TNS1: variants seen among roughly 807,000 people sequenced by gnomAD.
The protein encoded by TNS1 is tensin-1.
Under a neutral mutation model 168.6 loss-of-function variants are expected in TNS1, and 62 were observed. That is an observed-to-expected ratio of 0.37 (90% confidence interval 0.30 to 0.45). The LOEUF (loss-of-function observed/expected upper bound fraction) is 0.45. Among genes scored for constraint, TNS1 ranks in the 20% least tolerant of loss-of-function variants. The pLI is 1.00. For synonymous variants in TNS1, 934 were observed against 933.2 expected, an observed-to-expected ratio of 1.00 and a Z score of -0.02; for missense variants, 2,240 against 2,339.4, an observed-to-expected ratio of 0.96 and a Z score of 0.88.
intron 19 of TNS1, among the ~76,000 whole-genome samples, chr2:217,839,949 TTGAGGCAGGCC>T: frequency 6.6e-6 from 1 of 152,278 alleles, no homozygotes; most frequent in South Asian, 2.1e-4. Flanking sequence ...CCAGCTCCCC[TTGAGGCAGGCC>T]CACCATCCCA....
At position 217,808,126 on chromosome 2, in the gene TNS1, C is replaced by T. The variant is rs774833681; in HGVS notation, c.5343-19G>A. The T allele has an allele frequency of 1.8e-5, 29 of 1,612,402 alleles. No individual in the cohort carries two copies. Among genetic ancestry groups the T allele is most frequent in the South Asian group, 1.2e-4 (11 of 90,834 alleles). The stretch of plus-strand genomic sequence containing the variant: ...CATCCACCTGTGGAGAGAAAGTGGG[C>T]TCAGGGTAAATCATCGTACTTTCTC... On this transcript the variant is annotated intron_variant, in intron 31 of 32. Transcript: ENST00000682258.
At chr2:217,828,293 G>C (rs1172516439) in intron 22 of TNS1, among the ~76,000 whole-genome samples, 1 of 152,212 alleles carries the variant, frequency 6.6e-6, no homozygotes, top group Non-Finnish European at 1.5e-5. Context: ...GGTCAGGAGA[G>C]GGCAAAGTCT....
At chr2:217,821,597 G>A (rs888343364) in intron 23 of TNS1, 143 bp downstream of exon 23, 17 of 772,460 alleles carry the variant, frequency 2.2e-5, no homozygotes, top group Non-Finnish European at 3.1e-5. Context: ...GCACCTTGAT[G>A]AACTGGTTTG....
At chr2:218,014,881 A>T (rs1398814998), upstream of TNS1, among the ~76,000 whole-genome samples, 1 of 99,664 alleles carries the variant, frequency 1.0e-5, no homozygotes, top group African/African-American at 3.3e-5. Flanking sequence ...GGAAGGAAGG[A>T]AGGAAGGAAG....
chr2:217,884,991 C>A (rs753672957), intron 16 of TNS1, 44 bp downstream of exon 16: 40 of 1,611,040 alleles, frequency 2.5e-5, no homozygotes, highest in Non-Finnish European at 3.2e-5. Context: ...GCTCCTCTCC[C>A]TGCCACAGGG....
chr2:217,825,798 T>C (rs1943537580), intron 22 of TNS1, among the ~76,000 whole-genome samples: 1 of 152,102 alleles, frequency 6.6e-6, no homozygotes, highest in African/African-American at 2.4e-5. Context: ...TGGGACAGTG[T>C]ATTAGAAACC....
intron 28 of TNS1, among the ~76,000 whole-genome samples, chr2:217,812,090 C>T (rs142667869): frequency 2.6e-5 from 4 of 152,300 alleles, no homozygotes; most frequent in South Asian, 2.1e-4. Flanking sequence ...CCTGGGACGA[C>T]GTGGTCTGAG....
intron 3 of TNS1, among the ~76,000 whole-genome samples, chr2:217,970,520 GA>G (rs1559393824): frequency 6.6e-6 from 1 of 152,080 alleles, no homozygotes; most frequent in Non-Finnish European, 1.5e-5. Context: ...CTGATGAATG[GA>G]AAAACAACAT....
chr2:217,829,760 G>C, intron 22 of TNS1: 1 of 1,522,790 alleles, frequency 6.6e-7, no homozygotes. Context: ...AAAGAGAGCT[G>C]CCTCCAGCCA....
intron 3 of TNS1, among the ~76,000 whole-genome samples, chr2:217,969,216 C>A (rs180981942): frequency 9.8e-5 from 15 of 152,310 alleles, no homozygotes. Context: ...CAAGATCATT[C>A]AGTGGGGAAA....
At chr2:217,953,131 G>A (rs776023479) in intron 3 of TNS1, among the ~76,000 whole-genome samples, 2 of 152,222 alleles carry the variant, frequency 1.3e-5, no homozygotes, top group Non-Finnish European at 1.5e-5. Context: ...CATGAGGAGG[G>A]AAAGAGCAGC....
rs755584857 is a variant in TNS1, at chr2:217,849,014, G to A, written c.1503C>T (p.His501=). 1.7e-5 allele frequency: 27 copies of A among 1,613,936 alleles called. No individual in the cohort carries two copies. The highest frequency in any genetic ancestry group is 5.0e-5 in the Admixed American group (3 of 59,984). ...TGGCATTAACAGCCCCGGTGCTGCCGTGCAGGGAGTCTTTCTTCTTCACCT... is the reference window on the plus strand; with the variant it reads ...TGGCATTAACAGCCCCGGTGCTGCCATGCAGGGAGTCTTTCTTCTTCACCT... ...YAKVKKKDSL[H]GSTGAVNATR... Residue 501 remains histidine, a synonymous_variant, in exon 19 of 33, where the codon CAC becomes CAT. Transcript: ENST00000682258.
intron 20 of TNS1, 29 bp from the exon 21 acceptor site, chr2:217,835,195 G>C: frequency 6.3e-7 from 1 of 1,593,834 alleles, no homozygotes; most frequent in Non-Finnish European, 8.6e-7. Context: ...GAGAAAAAGA[G>C]GGAAACCATG....
At chr2:217,927,526 C>A (rs908709803) in intron 3 of TNS1, among the ~76,000 whole-genome samples, 1 of 152,042 alleles carries the variant, frequency 6.6e-6, no homozygotes, top group Non-Finnish European at 1.5e-5. Flanking sequence ...TCTGGGGGAG[C>A]TGAAGGGTGG....
At chr2:217,894,967 T>A (rs956220241) in intron 9 of TNS1, 39 bp downstream of exon 9, 1 of 1,599,470 alleles carries the variant, frequency 6.3e-7, no homozygotes, top group African/African-American at 1.3e-5. Flanking sequence ...CCATCTGTTC[T>A]CCTTCTCCTC....
Position 217,818,036 on chromosome 2 carries a change from G to T in TNS1, c.4296C>A (p.Thr1432=). The T allele has an allele frequency of 1.2e-6, 2 of 1,603,496 alleles. No individual in the cohort carries two copies. The highest frequency in any genetic ancestry group is 1.7e-5 in the Admixed American group (1 of 57,838). Residue 1432 remains threonine, a synonymous_variant, in exon 24 of 33, where the codon ACC becomes ACA. Coordinates refer to ENST00000682258, the MANE Select transcript of TNS1 (RefSeq NM_001387777.1). The part of the protein sequence containing the change: ...DRHVAYGGYS[T]PEDRRPTLSR... ...ACAGTGTGGGTCTCCGATCCTCCGG[G>T]GTAGAATAGCCACCATAGGCCACAT... is the stretch of plus-strand genomic sequence containing the variant.
rs564610719 is a variant in TNS1 at position 218,033,872 on chromosome 2, C to T, written c.104G>A (p.Cys35Tyr). Among the ~76,000 whole-genome samples, 1 of 152,350 alleles carries T rather than the reference C, an allele frequency of 6.6e-6. No homozygotes were observed. The highest frequency in any genetic ancestry group is 2.1e-4 in the South Asian group (1 of 4,830). Residue 35 changes from cysteine (C) to tyrosine (Y), a missense_variant, in exon 1 of 2, where the codon TGC becomes TAC. Transcript: ENST00000649572. The surrounding 1 kb of genome is among the most constrained non-coding windows in gnomAD (Gnocchi z 4.3). ...ACAGGCCAAACCCCCGGACTCCCAG[C>T]ACTCAGCCCGCGCCGAGACCCAGGG...
At chr2:217,884,229 G>A (rs1430523423) in intron 16 of TNS1, among the ~76,000 whole-genome samples, 4 of 152,008 alleles carry the variant, frequency 2.6e-5, no homozygotes, top group Non-Finnish European at 1.5e-5. Context: ...ACAGATTAAT[G>A]AAGGGATGGA....
intron 19 of TNS1, among the ~76,000 whole-genome samples, chr2:217,842,401 C>T (rs1423431605): frequency 1.3e-5 from 2 of 152,320 alleles, no homozygotes; most frequent in East Asian, 1.9e-4. Flanking sequence ...TAAAGAGCAA[C>T]TCCATTCTTT....
Sources: allele counts gnomAD v4.1 joint callset (sites outside exome capture counted in the v4.1 genomes callset), GRCh38; gene constraint gnomAD v4.1.1; non-coding constraint Gnocchi (gnomAD v3.1); transcripts MANE v1.5; gene names NCBI Gene and HGNC (gene_info 2026-07-23, HGNC 2026-07-21).